The following ATP8A2 variants were observed in gnomAD, a reference collection of about 807,000 sequenced individuals.
ATP8A2 encodes phospholipid-transporting ATPase IB.
A neutral mutation model predicts 165.6 loss-of-function variants in ATP8A2; 100 were observed. The observed-to-expected ratio is 0.60, with a 90% CI of 0.51 to 0.71. The LOEUF is 0.71. Among genes scored for constraint, ATP8A2 ranks in the 30% least tolerant of loss-of-function variants. The pLI, the probability that ATP8A2 is intolerant of heterozygous loss-of-function variation, is 0.00. For missense variants in ATP8A2, 1,227 were observed against 1,479.5 expected (o/e 0.83, Z 2.80); for synonymous variants, 543 against 548.8 (o/e 0.99, Z 0.15).
At chr13:25,423,781 A>G (rs1427237899) in intron 1 of ATP8A2, among the ~76,000 whole-genome samples, 5 of 152,232 alleles carry the variant, frequency 3.3e-5, no homozygotes, top group Admixed American at 2.0e-4. Context: ...CCTTACAACA[A>G]TATAATTTAA....
chr13:25,400,894 A>G (rs2138016514), intron 1 of ATP8A2, among the ~76,000 whole-genome samples: 1 of 152,332 alleles, frequency 6.6e-6, no homozygotes, highest in Non-Finnish European at 1.5e-5. Flanking sequence ...CACTATGTGG[A>G]AGCATTTTGA....
At chr13:25,508,267 C>T (rs554593866) in intron 2 of ATP8A2, among the ~76,000 whole-genome samples, 5 of 152,254 alleles carry the variant, frequency 3.3e-5, no homozygotes, top group African/African-American at 1.2e-4. Context: ...GAATGCAGTG[C>T]GGACTTTAGT....
chr13:25,907,946 G>C (rs940001806), intron 33 of ATP8A2, among the ~76,000 whole-genome samples: 1 of 152,188 alleles, frequency 6.6e-6, no homozygotes, highest in Non-Finnish European at 1.5e-5. Flanking sequence ...GGACCTTGAA[G>C]GTTCTTTTCA....
rs551858450 is a variant in ATP8A2, at chr13:25,837,115, G to A, written c.2755-48G>A. ...TTTGGTAGAAGGGAACAATGAAGCC[G>A]TGTGGATCCGAAGGGCTGCTTTTAA... On this transcript the variant is annotated intron_variant, in intron 28 of 36. Transcript: ENST00000381655. The A allele has an allele frequency of 1.4e-5, 22 of 1,598,542 alleles. No homozygotes were observed. The African/African-American group carries it at 1.9e-4, about 14-fold the overall frequency.
At position 25,953,265 on chromosome 13, in the gene ATP8A2, T is replaced by A. The variant is rs1955420531; in HGVS notation, c.3184-8310T>A. Among the ~76,000 whole-genome samples, 1 of 152,092 alleles carries A rather than the reference T, an allele frequency of 6.6e-6. No homozygotes were observed. Among genetic ancestry groups the A allele is most frequent in the South Asian group, 2.1e-4 (1 of 4,826 alleles). ...GGTGTTGCTGGGCCAACCAGCATCT[T>A]GAGGACTCAACTCTCTGGCTGCAGG... is the stretch of plus-strand genomic sequence containing the variant. On this transcript the variant is annotated intron_variant, in intron 33 of 36. Transcript: ENST00000381655. The surrounding 1 kb of genome is among the most constrained non-coding windows in gnomAD (Gnocchi z 6.7).
intron 25 of ATP8A2, among the ~76,000 whole-genome samples, chr13:25,758,010 A>T (rs903172509): frequency 6.6e-6 from 1 of 152,156 alleles, no homozygotes; most frequent in Non-Finnish European, 1.5e-5. Context: ...GCCATACTTG[A>T]TGTTTAGGTT....
At chr13:25,894,055 A>G (rs955338885) in intron 33 of ATP8A2, among the ~76,000 whole-genome samples, 1 of 152,132 alleles carries the variant, frequency 6.6e-6, no homozygotes. Flanking sequence ...CCATTTGTCA[A>G]CTTTGGCTTT....
intron 27 of ATP8A2, among the ~76,000 whole-genome samples, chr13:25,822,932 T>G (rs1951218438): frequency 6.6e-6 from 1 of 152,234 alleles, no homozygotes. Flanking sequence ...ACATATTCTT[T>G]TCCAAATACT....
intron 25 of ATP8A2, among the ~76,000 whole-genome samples, chr13:25,736,498 G>A (rs923938871): frequency 2.6e-5 from 4 of 152,160 alleles, no homozygotes; most frequent in Non-Finnish European, 5.9e-5. Flanking sequence ...GAGGTATAGA[G>A]GTTGGCATGA....
At chr13:25,878,693 C>A (rs569138341) in intron 33 of ATP8A2, among the ~76,000 whole-genome samples, 1 of 151,926 alleles carries the variant, frequency 6.6e-6, no homozygotes, top group South Asian at 2.1e-4. Flanking sequence ...TTCATTTTAC[C>A]CAGCCCCTAT....
chr13:25,545,425 A>G (rs2038616666), intron 10 of ATP8A2, among the ~76,000 whole-genome samples: 2 of 152,074 alleles, frequency 1.3e-5, no homozygotes, highest in African/African-American at 2.4e-5. Flanking sequence ...TAGCCATGCA[A>G]GAACTCAGGA....
At chr13:25,679,554 G>A (rs1009986077) in intron 24 of ATP8A2, among the ~76,000 whole-genome samples, 1 of 152,156 alleles carries the variant, frequency 6.6e-6, no homozygotes, top group African/African-American at 2.4e-5. Flanking sequence ...ACATGTTTAT[G>A]TGTTCATATT....
chr13:25,734,147 G>A (rs984728540), intron 25 of ATP8A2, among the ~76,000 whole-genome samples: 8 of 152,130 alleles, frequency 5.3e-5, no homozygotes, highest in African/African-American at 1.9e-4. Flanking sequence ...TTCAATAAAT[G>A]CCTATTCGAC....
At chr13:25,793,759 A>G (rs1444252100) in intron 27 of ATP8A2, among the ~76,000 whole-genome samples, 5 of 152,198 alleles carry the variant, frequency 3.3e-5, no homozygotes, top group Admixed American at 3.3e-4. Flanking sequence ...TTTGCTATCT[A>G]ATATGTCACG....
At chr13:25,497,856 G>T (rs564267487) in intron 2 of ATP8A2, among the ~76,000 whole-genome samples, 1 of 152,142 alleles carries the variant, frequency 6.6e-6, no homozygotes, top group South Asian at 2.1e-4. Context: ...CAGCTACTCG[G>T]GGGGCTGAGG....
intron 24 of ATP8A2, among the ~76,000 whole-genome samples, chr13:25,688,023 C>T (rs553199406): frequency 2.0e-5 from 3 of 152,104 alleles, no homozygotes; most frequent in Non-Finnish European, 4.4e-5. Flanking sequence ...ACCTTCCTGA[C>T]ACGAGACTGT....
intron 30 of ATP8A2, among the ~76,000 whole-genome samples, chr13:25,849,344 T>C (rs1593444950): frequency 2.0e-5 from 3 of 152,250 alleles, no homozygotes; most frequent in Admixed American, 6.5e-5. Context: ...CACTATGTTA[T>C]AACATTGTCT....
chr13:25,901,092 G>A (rs191039378), intron 33 of ATP8A2, among the ~76,000 whole-genome samples: 1 of 152,330 alleles, frequency 6.6e-6, no homozygotes, highest in East Asian at 1.9e-4. Context: ...GCAGGGAGCT[G>A]AAGGGAGACA....
In ATP8A2 at chr13:26,021,272, A is replaced by G. The variant is rs1593729589; in HGVS notation, c.*1287A>G. 1 of 152,318 alleles carries G rather than the reference A, an allele frequency of 6.6e-6. No individual in the cohort carries two copies. Among genetic ancestry groups the G allele is most frequent in the East Asian group, 1.9e-4 (1 of 5,178 alleles). The allele number at this position is 152,318 out of a possible 1,614,324, so 9.4% of individuals were successfully genotyped here. A position where few individuals can be genotyped will look rare whatever the true frequency, so the allele number is the denominator to read the frequency against. On this transcript the variant is annotated 3_prime_UTR_variant, in exon 37 of 37. Coordinates refer to ENST00000381655, the MANE Select transcript of ATP8A2 (RefSeq NM_016529.6). ...TCGCCACCAGATCTTTGCAGTAGAA[A>G]CTCTGAAATAGGCCTTGAGACCCAG...
Sources: gnomAD v4.1 joint callset for allele counts (sites outside exome capture counted in the v4.1 genomes callset) on GRCh38, gnomAD v4.1.1 for gene constraint, Gnocchi (gnomAD v3.1) non-coding constraint, MANE v1.5 for transcripts, NCBI Gene and HGNC (gene_info 2026-07-23, HGNC 2026-07-21) for gene names.